The following SLC10A7 variants were observed in gnomAD, a reference collection of about 807,000 sequenced individuals.
SLC10A7 encodes the protein sodium/bile acid cotransporter 7.
A neutral mutation model predicts 43.2 loss-of-function variants in SLC10A7; 29 were observed. The observed-to-expected ratio is 0.67, with a 90% CI of 0.50 to 0.92. SLC10A7 has a LOEUF of 0.92. Ranked by LOEUF, SLC10A7 falls within the 40% of genes least tolerant of loss-of-function variation. SLC10A7 has a pLI of 0.00. For missense variants in SLC10A7, 295 were observed against 403.2 expected (o/e 0.73, Z 2.30); for synonymous variants, 152 against 144.8 (o/e 1.05, Z -0.35).
chr4:146,487,431 A>G (rs944141993), intron 4 of SLC10A7, among the ~76,000 whole-genome samples: 1 of 152,208 alleles, frequency 6.6e-6, no homozygotes, highest in African/African-American at 2.4e-5. Context: ...AGTACTCTAT[A>G]AAGTACAAGT....
At chr4:146,276,677 C>T (rs920555038) in intron 10 of SLC10A7, among the ~76,000 whole-genome samples, 2 of 152,166 alleles carry the variant, frequency 1.3e-5, no homozygotes, top group African/African-American at 2.4e-5. Context: ...AGGCCTGGTG[C>T]AGTGGCTCAT....
chr4:146,482,628 G>C (rs1734573958), intron 4 of SLC10A7, among the ~76,000 whole-genome samples: 1 of 151,790 alleles, frequency 6.6e-6, no homozygotes, highest in South Asian at 2.1e-4. Flanking sequence ...GGGACTTATG[G>C]GATGCCACTA....
Position 146,256,390 on chromosome 4 carries a change from A to T in SLC10A7, c.*101T>A. 8.9e-7 allele frequency: 1 copy of T among 1,118,802 alleles called. No individual in the cohort carries two copies. Among genetic ancestry groups the T allele is most frequent in the Non-Finnish European group, 1.3e-6 (1 of 752,236 alleles). 69.3% of individuals were successfully genotyped at this position (1,118,802 alleles called of 1,614,324 possible). ...CTCATATTTTTGTGTAAAAAAATAA[A>T]ATATGCATTGAGGCAACATTCACAA... is the stretch of plus-strand genomic sequence containing the variant. On this transcript the variant is annotated 3_prime_UTR_variant, in exon 12 of 12. Transcript: ENST00000335472.
chr4:146,274,361 G>A (rs1418308373), intron 10 of SLC10A7, among the ~76,000 whole-genome samples: 1 of 151,704 alleles, frequency 6.6e-6, no homozygotes, highest in African/African-American at 2.4e-5. Context: ...CTGCCACCCC[G>A]CCTGGCTAGT....
intron 5 of SLC10A7, among the ~76,000 whole-genome samples, chr4:146,380,971 C>T (rs552385651): frequency 2.0e-5 from 3 of 152,010 alleles, no homozygotes; most frequent in Admixed American, 6.6e-5. Flanking sequence ...GAAGAAATGC[C>T]GGCCATCATT....
Position 146,272,341 on chromosome 4 carries a change from A to G in SLC10A7, c.847+10851T>C, listed in dbSNP as rs187520092. ...CCAGGAATCTTTTGAGTTGTGTCCA[A>G]TTTTATATCTCCTCCTGCCCCTAGG... On this transcript the variant is annotated intron_variant, in intron 10 of 11. Coordinates refer to ENST00000335472, the MANE Select transcript of SLC10A7 (RefSeq NM_001029998.6). Among the ~76,000 whole-genome samples the G allele has an allele frequency of 5.3e-5, 8 of 152,212 alleles. No individual in the cohort carries two copies. In the East Asian group the frequency reaches 1.5e-3, roughly 29 times the overall value.
intron 5 of SLC10A7, among the ~76,000 whole-genome samples, chr4:146,397,643 T>A (rs1209679207): frequency 6.6e-6 from 1 of 152,158 alleles, no homozygotes; most frequent in African/African-American, 2.4e-5. Flanking sequence ...CAGAGTGAGA[T>A]CATCCACACA....
chr4:146,400,618 A>C (rs1460004433), intron 5 of SLC10A7, among the ~76,000 whole-genome samples: 1 of 152,108 alleles, frequency 6.6e-6, no homozygotes, highest in African/African-American at 2.4e-5. Context: ...ATGGGCTCTG[A>C]ATTTCAGCAC....
intron 6 of SLC10A7, among the ~76,000 whole-genome samples, chr4:146,310,192 A>G (rs1560786152): frequency 6.6e-6 from 1 of 152,108 alleles, no homozygotes; most frequent in Non-Finnish European, 1.5e-5. Context: ...ATGGGTGTAT[A>G]TGTACCACAT....
chr4:146,335,251 T>TAAAAAAAAAA (rs34522588), intron 5 of SLC10A7, among the ~76,000 whole-genome samples: 2 of 92,654 alleles, frequency 2.2e-5, no homozygotes, highest in South Asian at 4.3e-4. Flanking sequence ...ACAGATGTTG[T>TAAAAAAAAAA]AAAAAAAAAA....
intron 4 of SLC10A7, among the ~76,000 whole-genome samples, chr4:146,444,138 GT>G (rs1184510138): frequency 6.6e-6 from 1 of 152,180 alleles, no homozygotes; most frequent in African/African-American, 2.4e-5. Flanking sequence ...CCAGGAAAAA[GT>G]TTTATGTATG....
intron 5 of SLC10A7, among the ~76,000 whole-genome samples, chr4:146,366,449 C>T (rs1010085476): frequency 6.6e-6 from 1 of 152,114 alleles, no homozygotes; most frequent in Admixed American, 6.6e-5. Flanking sequence ...TTTCTCTAGT[C>T]TTCCAGATTT....
chr4:146,512,263 C>T (rs1425980621), intron 2 of SLC10A7, among the ~76,000 whole-genome samples: 2 of 152,038 alleles, frequency 1.3e-5, no homozygotes, highest in Admixed American at 6.6e-5. Context: ...CATGAGCCCC[C>T]GTGCCCGGAC....
Position 146,369,605 on chromosome 4 carries a change from G to A in SLC10A7, c.436-43609C>T, listed in dbSNP as rs534640689. On this transcript the variant is annotated intron_variant, in intron 5 of 11. Coordinates refer to ENST00000335472, the MANE Select transcript of SLC10A7 (RefSeq NM_001029998.6). ...ACCTTGTGATTCCTTTAACATGAGG[G>A]ATCTCCAGCAGACAAATGACGCTTA... Among the ~76,000 whole-genome samples, 4 of 152,166 alleles carry A rather than the reference G, an allele frequency of 2.6e-5. No individual in the cohort carries two copies. The East Asian group carries it at 7.7e-4, about 29-fold the overall frequency.
intron 9 of SLC10A7, among the ~76,000 whole-genome samples, chr4:146,284,372 G>A (rs958513136): frequency 6.6e-6 from 1 of 152,090 alleles, no homozygotes; most frequent in African/African-American, 2.4e-5. Context: ...TTTGCTGGGA[G>A]AAAACTCTTC....
intron 10 of SLC10A7, among the ~76,000 whole-genome samples, chr4:146,269,552 G>C (rs1427220518): frequency 6.6e-6 from 1 of 152,178 alleles, no homozygotes; most frequent in Non-Finnish European, 1.5e-5. Flanking sequence ...ATCAAAAATA[G>C]AATGAGAATT....
intron 10 of SLC10A7, among the ~76,000 whole-genome samples, chr4:146,277,487 A>T (rs1188870127): frequency 6.6e-6 from 1 of 152,206 alleles, no homozygotes; most frequent in East Asian, 1.9e-4. Flanking sequence ...TCAGAAAATA[A>T]TAGCACAAAA....
intron 5 of SLC10A7, among the ~76,000 whole-genome samples, chr4:146,336,349 C>T (rs553615346): frequency 2.0e-5 from 3 of 152,208 alleles, no homozygotes; most frequent in Non-Finnish European, 2.9e-5. Flanking sequence ...AGTGAACCCA[C>T]GCTGGCTTCT....
At chr4:146,416,426 T>C (rs941119178) in intron 5 of SLC10A7, among the ~76,000 whole-genome samples, 1 of 152,206 alleles carries the variant, frequency 6.6e-6, no homozygotes, top group African/African-American at 2.4e-5. Context: ...GAATAAATCC[T>C]GAGCTAGCTA....
Sources: allele counts gnomAD v4.1 joint callset (sites outside exome capture counted in the v4.1 genomes callset), GRCh38; gene constraint gnomAD v4.1.1; transcripts MANE v1.5; gene names NCBI Gene and HGNC (gene_info 2026-07-23, HGNC 2026-07-21).